The following CALD1 variants were observed in gnomAD, a reference collection of about 807,000 sequenced individuals.
CALD1 encodes the protein caldesmon 1.
In CALD1, 33 loss-of-function variants were observed where a neutral mutation model predicts 99.9. The ratio of observed to expected loss-of-function variants is 0.33; its 90% CI spans 0.25 to 0.44. The LOEUF (loss-of-function observed/expected upper bound fraction) is 0.44, where lower values mean the gene tolerates loss of function less well. Among genes scored for constraint, CALD1 ranks in the 20% least tolerant of loss-of-function variants. The probability of loss-of-function intolerance (pLI) is 1.00; values close to 1 mark genes in which losing one functional copy is unlikely to be tolerated. For synonymous variants in CALD1, 310 were observed against 325.0 expected, an observed-to-expected ratio of 0.95 and a Z score of 0.50; for missense variants, 861 against 962.1, an observed-to-expected ratio of 0.89 and a Z score of 1.39.
chr7:134,766,509 C>A (rs1642702588), intron 1 of CALD1, among the ~76,000 whole-genome samples: 3 of 152,190 alleles, frequency 2.0e-5, no homozygotes. Context: ...TGGCCTAATA[C>A]ATCAGGACTG....
chr7:134,925,990 A>C (rs1156494637), intron 3 of CALD1, among the ~76,000 whole-genome samples: 1 of 152,208 alleles, frequency 6.6e-6, no homozygotes, highest in African/African-American at 2.4e-5. Context: ...AAATAAGCCA[A>C]AGGAACATTA....
intron 1 of CALD1, among the ~76,000 whole-genome samples, chr7:134,816,043 G>T (rs1442361419): frequency 6.6e-6 from 1 of 152,128 alleles, no homozygotes; most frequent in Non-Finnish European, 1.5e-5. Flanking sequence ...TTTGCTCAGT[G>T]CTATCCTGCT....
At chr7:134,814,685 G>C (rs139264273) in intron 1 of CALD1, among the ~76,000 whole-genome samples, 67 of 152,288 alleles carry the variant, frequency 4.4e-4, no homozygotes, top group African/African-American at 1.6e-3. Flanking sequence ...CTTCAGTGCA[G>C]CTGGTCCACA....
At chr7:134,889,609 T>C (rs17168114) in intron 3 of CALD1, among the ~76,000 whole-genome samples, 34,696 of 152,090 alleles carry the variant, frequency 0.23, 4,373 homozygotes, top group African/African-American at 0.32. Flanking sequence ...AAAAAATTAA[T>C]TGGGCAAAAT....
At chr7:134,883,457 T>C (rs950392068) in intron 3 of CALD1, among the ~76,000 whole-genome samples, 5 of 152,142 alleles carry the variant, frequency 3.3e-5, no homozygotes, top group Admixed American at 2.0e-4. Flanking sequence ...AATGAGAAAA[T>C]TGGATATTTT....
At chr7:134,857,856 A>G (rs879718787) in intron 2 of CALD1, among the ~76,000 whole-genome samples, 1 of 152,178 alleles carries the variant, frequency 6.6e-6, no homozygotes, top group Non-Finnish European at 1.5e-5. Context: ...GTCCCTGATC[A>G]GTAACAGCTT....
intron 3 of CALD1, among the ~76,000 whole-genome samples, chr7:134,908,142 T>C (rs1440038088): frequency 6.6e-6 from 1 of 152,018 alleles, no homozygotes; most frequent in Non-Finnish European, 1.5e-5. Flanking sequence ...TTAAAAGAGG[T>C]TGAGGATATA....
At chr7:134,745,412 C>T (rs1482099932) in intron 1 of CALD1, 2 of 152,072 alleles carry the variant, frequency 1.3e-5, no homozygotes, top group East Asian at 3.9e-4. Context: ...TTGGGTGGGG[C>T]CAGTTAAGTC....
upstream of CALD1, among the ~76,000 whole-genome samples, chr7:134,778,344 T>C (rs117556184): frequency 6.9e-3 from 1,047 of 152,270 alleles, 5 homozygotes; most frequent in Non-Finnish European, 0.011. Flanking sequence ...CATTTCTAAG[T>C]CACATCTTCA....
chr7:134,712,459 G>A, the CALD1 span, among the ~76,000 whole-genome samples: 2 of 152,152 alleles, frequency 1.3e-5, no homozygotes, highest in Non-Finnish European at 2.9e-5. Flanking sequence ...GTTTCAACTG[G>A]ATACACGCAT....
intron 3 of CALD1, among the ~76,000 whole-genome samples, chr7:134,894,337 A>G (rs930949117): frequency 3.3e-5 from 5 of 152,214 alleles, no homozygotes; most frequent in African/African-American, 1.2e-4. Context: ...AATAAATGGC[A>G]ATTCACTTGA....
chr7:134,899,456 C>G (rs1802823153), intron 3 of CALD1, among the ~76,000 whole-genome samples: 1 of 152,092 alleles, frequency 6.6e-6, no homozygotes, highest in Non-Finnish European at 1.5e-5. Context: ...GCCCGCCTGG[C>G]CCTCACAGAG....
the CALD1 span, among the ~76,000 whole-genome samples, chr7:134,717,568 G>C: frequency 6.6e-6 from 1 of 152,218 alleles, no homozygotes; most frequent in Non-Finnish European, 1.5e-5. Context: ...GTGTGATGCA[G>C]AGAAAGCACT....
At chr7:134,719,242 G>A in the CALD1 span, among the ~76,000 whole-genome samples, 2 of 152,010 alleles carry the variant, frequency 1.3e-5, no homozygotes, top group African/African-American at 4.8e-5. Context: ...AAGCTTCAGA[G>A]AAGAAGGAAA....
rs1269894835 is a variant in CALD1, at chr7:134,891,863, A to C, written c.71+24059A>C. On this transcript the variant is annotated intron_variant, in intron 3 of 14. Transcript: ENST00000361675. ...ACCTGTCTGAAACTTTCTGGTTTCCACTTCATGGTTGCTCTGATTCGCTGG... is the reference window on the plus strand; with the variant it reads ...ACCTGTCTGAAACTTTCTGGTTTCCCCTTCATGGTTGCTCTGATTCGCTGG... Among the ~76,000 whole-genome samples the C allele has an allele frequency of 3.3e-5, 5 of 151,082 alleles. No individual in the cohort carries two copies. The East Asian group carries it at 9.7e-4, about 29-fold the overall frequency.
At chr7:134,714,010 TGA>T in the CALD1 span, among the ~76,000 whole-genome samples, 1 of 151,748 alleles carries the variant, frequency 6.6e-6, no homozygotes, top group African/African-American at 2.4e-5. Context: ...CTCCTGAGAG[TGA>T]GTTATTGCTA....
rs556701064 is a variant in CALD1, at chr7:134,827,448, G to A, written c.-129-16436G>A. 2.6e-5 allele frequency among the ~76,000 whole-genome samples: 4 copies of A among 152,284 alleles called. No individual in the cohort carries two copies. In the East Asian group the frequency reaches 5.8e-4, roughly 22 times the overall value. On this transcript the variant is annotated intron_variant, in intron 1 of 14. Coordinates refer to ENST00000361675, the MANE Select transcript of CALD1 (RefSeq NM_033138.4). ...TACCAGGTTCTATACTGTTATACAC[G>A]TTACCCCATTTCCCTCTCACAACAA... is the stretch of plus-strand genomic sequence containing the variant.
chr7:134,821,203 A>G (rs1798759473), intron 1 of CALD1, among the ~76,000 whole-genome samples: 1 of 152,146 alleles, frequency 6.6e-6, no homozygotes, highest in Non-Finnish European at 1.5e-5. Context: ...AAATTTCCCT[A>G]TGCTTTATAG....
intron 1 of CALD1, among the ~76,000 whole-genome samples, chr7:134,798,854 G>C (rs1336879511): frequency 1.3e-5 from 2 of 152,124 alleles, no homozygotes; most frequent in Non-Finnish European, 2.9e-5. Flanking sequence ...CAGTCTTCTG[G>C]GGTGGCACCT....
Sources: allele counts gnomAD v4.1 joint callset (sites outside exome capture counted in the v4.1 genomes callset), GRCh38; gene constraint gnomAD v4.1.1; transcripts MANE v1.5; gene names NCBI Gene and HGNC (gene_info 2026-07-23, HGNC 2026-07-21).